Variants in NYAP2 observed in about 807,000 individuals in gnomAD.
The protein encoded by NYAP2 is neuronal tyrosine-phosphorylated phosphoinositide-3-kinase adapter 2.
In NYAP2, 23 loss-of-function variants were observed where a neutral mutation model predicts 50.4. The observed-to-expected ratio is 0.46, with a 90% CI of 0.33 to 0.65. The LOEUF is 0.65. Among genes scored for constraint, NYAP2 ranks in the 30% least tolerant of loss-of-function variants. NYAP2 has a pLI of 0.02. For synonymous variants in NYAP2, 394 were observed against 365.2 expected, an observed-to-expected ratio of 1.08 and a Z score of -0.90; for missense variants, 885 against 861.0, an observed-to-expected ratio of 1.03 and a Z score of -0.35.
chr2:225,582,556 C>G lies in NYAP2; in HGVS notation c.1139C>G (p.Pro380Arg). 1.3e-6 allele frequency: 2 copies of G among 1,585,918 alleles called. No homozygotes were observed. Among genetic ancestry groups the G allele is most frequent in the Non-Finnish European group, 1.7e-6 (2 of 1,166,500 alleles). ...ATGAAACAGCCAGCCGGGGCGTCGC[C>G]CTCCACGCTGCCGTCCCACGTCCCC... The change falls in exon 5 of 7, where the codon CCC (proline) becomes CGC (arginine). Residue 380 changes from proline to arginine, a missense_variant. Coordinates refer to ENST00000636099, the Ensembl canonical transcript of NYAP2. The surrounding 1 kb of genome is among the most constrained non-coding windows in gnomAD (Gnocchi z 7.0).
chr2:225,560,459 G>A (rs2106215345), intron 4 of NYAP2, among the ~76,000 whole-genome samples: 1 of 152,162 alleles, frequency 6.6e-6, no homozygotes, highest in East Asian at 1.9e-4. Context: ...AATCTTCCAG[G>A]CAAGGACATT....
chr2:225,453,081 A>C (rs1689679916), intron 3 of NYAP2, among the ~76,000 whole-genome samples: 1 of 152,218 alleles, frequency 6.6e-6, no homozygotes, highest in African/African-American at 2.4e-5. Flanking sequence ...AATATAGGTG[A>C]ATTCTAGATG....
chr2:225,512,873 CT>C, intron 3 of NYAP2, among the ~76,000 whole-genome samples: 1 of 121,944 alleles, frequency 8.2e-6, no homozygotes, highest in African/African-American at 3.2e-5. Flanking sequence ...TCCTTCCTTC[CT>C]TCCTTCCTTC....
rs929075617 is a variant in NYAP2 at position 225,605,328 on chromosome 2, G to A, written c.1619-21589G>A. On this transcript the variant is annotated intron_variant, in intron 5 of 6. Coordinates refer to ENST00000636099, the Ensembl canonical transcript of NYAP2. ...GTCTTTCCTCCAAAAATTAAAAGTG[G>A]GAACTCTTATCTTTTTTAAAAAAAT... 2.6e-5 allele frequency among the ~76,000 whole-genome samples: 4 copies of A among 152,004 alleles called. No homozygotes were observed. The South Asian group carries it at 6.2e-4, about 24-fold the overall frequency.
intron 4 of NYAP2, among the ~76,000 whole-genome samples, chr2:225,565,264 T>A (rs1047429107): frequency 2.0e-5 from 3 of 152,188 alleles, no homozygotes; most frequent in African/African-American, 7.2e-5. Context: ...AAATCATTTT[T>A]AAAAAACTGA....
Position 225,512,795 on chromosome 2 carries a change from CCT to C in NYAP2, c.222-574_222-573del, listed in dbSNP as rs1387616420. Among the ~76,000 whole-genome samples the C allele has an allele frequency of 3.5e-4, 39 of 112,088 alleles. 1 individual carries two copies. Among genetic ancestry groups the C allele is most frequent in the African/African-American group, 1.9e-3 (35 of 18,828 alleles). The allele number at this position is 112,088 out of a possible 152,430, so 73.5% of individuals were successfully genotyped here. A position where few individuals can be genotyped will look rare whatever the true frequency, so the allele number is the denominator to read the frequency against. On this transcript the variant is annotated intron_variant, in intron 3 of 6. Coordinates refer to ENST00000636099, the Ensembl canonical transcript of NYAP2. ...TTTTCTCTTTTTCCCTCTTTCCCTC[CCT>C]CCCTCTCTTTCTTTTCTTTCTTTCT...
chr2:225,623,386 G>C (rs2106255858), intron 5 of NYAP2, among the ~76,000 whole-genome samples: 1 of 152,292 alleles, frequency 6.6e-6, no homozygotes, highest in South Asian at 2.1e-4. Flanking sequence ...TAGTAGCTGA[G>C]TCTTGGCCAA....
At chr2:225,417,798 A>G (rs143077517) in intron 3 of NYAP2, among the ~76,000 whole-genome samples, 1 of 152,176 alleles carries the variant, frequency 6.6e-6, no homozygotes, top group Non-Finnish European at 1.5e-5. Context: ...TTTTGTTTCC[A>G]TATTATATTT....
intron 3 of NYAP2, among the ~76,000 whole-genome samples, chr2:225,463,491 C>G (rs1483559219): frequency 6.6e-6 from 1 of 152,252 alleles, no homozygotes. Context: ...TTATTCAACT[C>G]TGTTTGTAAT....
chr2:225,613,526 A>T (rs1250493321), intron 5 of NYAP2, among the ~76,000 whole-genome samples: 1 of 152,140 alleles, frequency 6.6e-6, no homozygotes, highest in African/African-American at 2.4e-5. Flanking sequence ...CCTTCCATCC[A>T]ATCAAATTGA....
At chr2:225,442,522 T>TA in intron 3 of NYAP2, among the ~76,000 whole-genome samples, 1 of 152,344 alleles carries the variant, frequency 6.6e-6, no homozygotes, top group South Asian at 2.1e-4. Context: ...TATGAAGAAA[T>TA]ACCTGAGATG....
At chr2:225,699,394 A>T in the NYAP2 span, 1 of 151,950 alleles carries the variant, frequency 6.6e-6, no homozygotes, top group Non-Finnish European at 1.5e-5. Context: ...TGGAAGGAAC[A>T]AGGAATTAAT....
intron 5 of NYAP2, among the ~76,000 whole-genome samples, chr2:225,619,779 G>T (rs545165224): frequency 6.6e-6 from 1 of 152,290 alleles, no homozygotes; most frequent in Non-Finnish European, 1.5e-5. Flanking sequence ...ATTGCTCCTG[G>T]TGTTATCTTT....
intron 3 of NYAP2, among the ~76,000 whole-genome samples, chr2:225,481,968 T>A (rs537092488): frequency 2.6e-5 from 4 of 152,070 alleles, no homozygotes; most frequent in African/African-American, 9.6e-5. Flanking sequence ...CATACACAAA[T>A]AAACATGCAA....
chr2:225,618,796 G>GA (rs1476618131), intron 5 of NYAP2, among the ~76,000 whole-genome samples: 1 of 152,194 alleles, frequency 6.6e-6, no homozygotes, highest in Non-Finnish European at 1.5e-5. Context: ...GGGCCTTGGG[G>GA]AATCAGGAAG....
intron 5 of NYAP2, among the ~76,000 whole-genome samples, chr2:225,616,229 A>G (rs1028604445): frequency 2.0e-5 from 3 of 152,194 alleles, no homozygotes; most frequent in African/African-American, 7.2e-5. Flanking sequence ...TTCTCTCTAT[A>G]TATTTGAAGA....
At chr2:225,412,094 G>A (rs1695051979) in intron 3 of NYAP2, among the ~76,000 whole-genome samples, 1 of 150,100 alleles carries the variant, frequency 6.7e-6, no homozygotes, top group South Asian at 2.1e-4. Flanking sequence ...CCTCAGCTGG[G>A]ACTACAGGCA....
At chr2:225,635,201 C>T (rs1200208447) in intron 6 of NYAP2, among the ~76,000 whole-genome samples, 2 of 152,194 alleles carry the variant, frequency 1.3e-5, no homozygotes, top group Non-Finnish European at 2.9e-5. Flanking sequence ...AGCAGGACTG[C>T]GAGCTGCAGA....
chr2:225,566,673 G>T (rs955276963), intron 4 of NYAP2, among the ~76,000 whole-genome samples: 1 of 152,198 alleles, frequency 6.6e-6, no homozygotes, highest in Non-Finnish European at 1.5e-5. Context: ...TAGAAATTCT[G>T]CAAGTGATAG....
Sources: gnomAD v4.1 joint callset for allele counts (sites outside exome capture counted in the v4.1 genomes callset) on GRCh38, gnomAD v4.1.1 for gene constraint, Gnocchi (gnomAD v3.1) non-coding constraint, MANE v1.5 for transcripts, NCBI Gene and HGNC (gene_info 2026-07-23, HGNC 2026-07-21) for gene names.